The following RCN3 variants were observed in gnomAD, a reference collection of about 807,000 sequenced individuals.
The protein encoded by RCN3 is reticulocalbin-3.
A neutral mutation model predicts 35.9 loss-of-function variants in RCN3; 41 were observed. The ratio of observed to expected loss-of-function variants is 1.14; its 90% CI spans 0.89 to 1.48. RCN3 has a LOEUF of 1.48. Ranked by LOEUF, RCN3 falls within the 40% of genes most tolerant of loss-of-function variation. The pLI, the probability that RCN3 is intolerant of heterozygous loss-of-function variation, is 0.00. For missense variants in RCN3, 451 were observed against 471.3 expected (o/e 0.96, Z 0.40); for synonymous variants, 187 against 193.4 (o/e 0.97, Z 0.27).
rs553505132 is a variant in RCN3, at chr19:49,535,859, A to T, written c.446-1174A>T. ...AGTGAGACTCTGTCTCAAAAAAAAAAAAATATATATATATATAGATAGATA... is the reference window on the plus strand; with the variant it reads ...AGTGAGACTCTGTCTCAAAAAAAAATAAATATATATATATATAGATAGATA... On this transcript the variant is annotated intron_variant, in intron 3 of 6. Coordinates refer to ENST00000270645, the MANE Select transcript of RCN3 (RefSeq NM_020650.3). Among the ~76,000 whole-genome samples, 380 of 137,242 alleles carry T rather than the reference A, an allele frequency of 2.8e-3. 4 individuals are homozygous for T. The highest frequency in any genetic ancestry group is 0.017 in the South Asian group (78 of 4,570). The allele number at this position is 137,242 out of a possible 152,430, so 90.0% of individuals were successfully genotyped here. A position where few individuals can be genotyped will look rare whatever the true frequency, so the allele number is the denominator to read the frequency against.
chr19:49,540,804 G>C (rs950275758), intron 5 of RCN3, among the ~76,000 whole-genome samples: 1 of 151,920 alleles, frequency 6.6e-6, no homozygotes, highest in Non-Finnish European at 1.5e-5. Context: ...CACTTCTAGA[G>C]GGGTGAGGAT....
At chr19:49,532,575 T>C (rs894539822) in intron 2 of RCN3, among the ~76,000 whole-genome samples, 2 of 152,140 alleles carry the variant, frequency 1.3e-5, no homozygotes, top group Non-Finnish European at 2.9e-5. Flanking sequence ...GGTTTCACCA[T>C]GTTGGCCAGG....
At chr19:49,534,543 A>G (rs1761751100) in intron 3 of RCN3, 148 bp downstream of exon 3, 1 of 718,368 alleles carries the variant, frequency 1.4e-6, no homozygotes, top group Non-Finnish European at 2.1e-6. Flanking sequence ...TAACTGTGAG[A>G]TCTTCAGTTT....
intron 3 of RCN3, among the ~76,000 whole-genome samples, chr19:49,535,614 G>A (rs1162381190): frequency 6.6e-6 from 1 of 152,142 alleles, no homozygotes; most frequent in Non-Finnish European, 1.5e-5. Context: ...CACTTTGGGA[G>A]GCCGAGGTGG....
intron 5 of RCN3, 61 bp downstream of exon 5, chr19:49,539,240 G>T: frequency 1.4e-6 from 2 of 1,417,152 alleles, no homozygotes; most frequent in Non-Finnish European, 2.0e-6. Context: ...GGCAGGGTTG[G>T]TGGGGGTAGC....
At position 49,531,225 on chromosome 19, in the gene RCN3, G is replaced by A. The variant is rs112484833; in HGVS notation, c.242+2511G>A. Among the ~76,000 whole-genome samples the A allele has an allele frequency of 3.2e-3, 480 of 152,286 alleles. 3 individuals carry two copies. Among genetic ancestry groups the A allele is most frequent in the African/African-American group, 0.011 (461 of 41,572 alleles). ...TCCCAGATACTAGGGAGGCTGAGGA[G>A]GGAGGATCACTTGGGCCTGGGAGGT... On this transcript the variant is annotated intron_variant, in intron 2 of 6. Transcript: ENST00000270645.
rs901724617 is a variant in RCN3, at chr19:49,543,580, C to T, written c.*367C>T. The T allele has an allele frequency of 8.1e-6, 2 of 246,984 alleles. No individual in the cohort carries two copies. The highest frequency in any genetic ancestry group is 8.1e-6 in the Non-Finnish European group (1 of 123,900). 15.3% of individuals were successfully genotyped at this position (246,984 alleles called of 1,614,324 possible). On this transcript the variant is annotated 3_prime_UTR_variant, in exon 7 of 7. Transcript: ENST00000270645. ...CTGGCCCCAGCCCTCTCCTGCCTGG[C>T]CTGGCCTGGGACACCTCCTCTCTGC...
chr19:49,531,248 G>A (rs2080106914), intron 2 of RCN3, among the ~76,000 whole-genome samples: 1 of 152,196 alleles, frequency 6.6e-6, no homozygotes, highest in Admixed American at 6.6e-5. Context: ...GGGCCTGGGA[G>A]GTCAAGGCTG....
At chr19:49,529,361 C>T (rs543063776) in intron 2 of RCN3, among the ~76,000 whole-genome samples, 2 of 152,228 alleles carry the variant, frequency 1.3e-5, no homozygotes, top group East Asian at 1.9e-4. Context: ...TTAAGGAGCC[C>T]GGCCAGTGCA....
intron 2 of RCN3, among the ~76,000 whole-genome samples, chr19:49,533,481 G>C (rs535473878): frequency 6.6e-6 from 1 of 152,260 alleles, no homozygotes; most frequent in Non-Finnish European, 1.5e-5. Context: ...CAAGAGAAGG[G>C]GAGAGATGGA....
intron 4 of RCN3, among the ~76,000 whole-genome samples, chr19:49,537,596 TC>T (rs1291000279): frequency 4.0e-5 from 6 of 151,702 alleles, no homozygotes; most frequent in Non-Finnish European, 5.9e-5. Flanking sequence ...AACCTCCGCC[TC>T]CCGGGTTCAA....
At chr19:49,536,552 C>T (rs912591450) in intron 3 of RCN3, among the ~76,000 whole-genome samples, 3 of 151,444 alleles carry the variant, frequency 2.0e-5, no homozygotes, top group East Asian at 3.9e-4. Context: ...CCACCCACCT[C>T]GGCCTCCCAA....
intron 2 of RCN3, 48 bp from the exon 3 acceptor site, chr19:49,534,145 G>C: frequency 1.4e-6 from 2 of 1,439,294 alleles, no homozygotes; most frequent in Non-Finnish European, 1.8e-6. Flanking sequence ...GAGGGGCGGG[G>C]CCTGGGGGCG....
chr19:49,537,002 G>T, intron 3 of RCN3, 31 bp from the exon 4 acceptor site: 1 of 1,476,462 alleles, frequency 6.8e-7, no homozygotes, highest in Non-Finnish European at 9.0e-7. Flanking sequence ...CTCCATTAAA[G>T]CTCATCTCAC....
intron 6 of RCN3, 141 bp from the exon 7 acceptor site, chr19:49,542,965 A>AAG (rs1601221907): frequency 1.3e-6 from 1 of 788,746 alleles, no homozygotes; most frequent in East Asian, 2.7e-5. Context: ...GACAGGGACC[A>AAG]AGACGGGGAC....
intron 6 of RCN3, among the ~76,000 whole-genome samples, 172 bp from the exon 7 acceptor site, chr19:49,542,926 ACAGAGACC>A (rs1439807094): frequency 2.6e-5 from 4 of 151,964 alleles, no homozygotes; most frequent in South Asian, 2.1e-4. Context: ...AGAGAGGGGG[ACAGAGACC>A]CAGAGACCCA....
chr19:49,539,189 C>G lies in RCN3; in HGVS notation c.679+10C>G. 6.2e-7 allele frequency: 1 copy of G among 1,606,300 alleles called. No homozygotes were observed. The highest frequency in any genetic ancestry group is 8.5e-7 in the Non-Finnish European group (1 of 1,176,504). On this transcript the variant is annotated intron_variant, in intron 5 of 6. Transcript: ENST00000270645. ...GTGGAGGAGTACATCGGTGAGTGGG[C>G]CCCAATTTCTTCTTGGGATGCCTGT... is the stretch of plus-strand genomic sequence containing the variant.
chr19:49,542,695 C>T lies in RCN3; in HGVS notation c.822C>T (p.Ala274=), dbSNP rs908458578. The T allele has an allele frequency of 6.3e-7, 1 of 1,596,834 alleles. No individual in the cohort carries two copies. Among genetic ancestry groups the T allele is most frequent in the Non-Finnish European group, 8.5e-7 (1 of 1,173,276 alleles). Residue 274 remains alanine (A), a synonymous_variant, in exon 6 of 7, where the codon GCC becomes GCT. Coordinates refer to ENST00000270645, the MANE Select transcript of RCN3 (RefSeq NM_020650.3). ...TGGGCCACTGGGTGCTGCCCCCTGC[C>T]CAGGACCAGCCCCTGGTGGAAGCCA... ...SEVGHWVLPP[A]QDQPLVEANH... is the part of the protein sequence containing the mutation.
chr19:49,536,767 C>G (rs1231206544), intron 3 of RCN3, among the ~76,000 whole-genome samples: 1 of 150,864 alleles, frequency 6.6e-6, no homozygotes, highest in Non-Finnish European at 1.5e-5. Flanking sequence ...CCCCACCATG[C>G]CCGGCTAAGT....
Sources: gnomAD v4.1 joint callset for allele counts (sites outside exome capture counted in the v4.1 genomes callset) on GRCh38, gnomAD v4.1.1 for gene constraint, MANE v1.5 for transcripts, NCBI Gene and HGNC (gene_info 2026-07-23, HGNC 2026-07-21) for gene names.